LRRC1: variants seen among roughly 807,000 people sequenced by gnomAD.
LRRC1 encodes leucine-rich repeat-containing protein 1.
Under a neutral mutation model 69.9 loss-of-function variants are expected in LRRC1, and 28 were observed. That is an observed-to-expected ratio of 0.40 (90% CI 0.30 to 0.55). The LOEUF is 0.55. Among genes scored for constraint, LRRC1 ranks in the 20% least tolerant of loss-of-function variants. LRRC1 has a pLI of 0.47. For missense variants in LRRC1, 498 were observed against 609.0 expected (o/e 0.82, Z 1.92); for synonymous variants, 236 against 240.2 (o/e 0.98, Z 0.16).
chr6:53,808,506 C>T (rs1764699218), intron 1 of LRRC1, among the ~76,000 whole-genome samples: 1 of 152,112 alleles, frequency 6.6e-6, no homozygotes, highest in Admixed American at 6.5e-5. Context: ...CTGCTTTAAG[C>T]ACTTCCTGTG....
At chr6:53,860,697 A>G (rs986055005) in intron 2 of LRRC1, among the ~76,000 whole-genome samples, 1 of 152,162 alleles carries the variant, frequency 6.6e-6, no homozygotes, top group Non-Finnish European at 1.5e-5. Flanking sequence ...CAACTAAACA[A>G]AACAGCTTTC....
chr6:53,808,935 T>A (rs752009960), intron 1 of LRRC1, among the ~76,000 whole-genome samples: 11 of 152,174 alleles, frequency 7.2e-5, no homozygotes, highest in Non-Finnish European at 1.6e-4. Flanking sequence ...ATGAGCTGAT[T>A]CAAACATAAT....
chr6:53,876,217 C>T (rs1036015803), intron 2 of LRRC1, among the ~76,000 whole-genome samples: 6 of 152,150 alleles, frequency 3.9e-5, no homozygotes, highest in African/African-American at 1.2e-4. Context: ...GAAACTCCCC[C>T]TTATAATAAC....
intron 2 of LRRC1, among the ~76,000 whole-genome samples, chr6:53,856,593 T>A (rs1444443506): frequency 6.6e-6 from 1 of 152,166 alleles, no homozygotes; most frequent in Non-Finnish European, 1.5e-5. Context: ...GTCTGAAGGT[T>A]TGAAATAGCA....
At chr6:53,883,767 A>G (rs1209916372) in intron 4 of LRRC1, among the ~76,000 whole-genome samples, 1 of 152,206 alleles carries the variant, frequency 6.6e-6, no homozygotes, top group Admixed American at 6.5e-5. Flanking sequence ...CTAGCATCAT[A>G]AATGATTTTC....
intron 11 of LRRC1, among the ~76,000 whole-genome samples, chr6:53,916,694 T>G (rs1217878206): frequency 6.6e-6 from 1 of 152,186 alleles, no homozygotes; most frequent in Non-Finnish European, 1.5e-5. Context: ...TTTTGAAAAC[T>G]TTGCTTAAAA....
chr6:53,812,486 C>T (rs950687622), intron 1 of LRRC1, among the ~76,000 whole-genome samples: 8 of 149,928 alleles, frequency 5.3e-5, no homozygotes, highest in African/African-American at 9.9e-5. Context: ...GTCAGGAGAT[C>T]GAGACCATCC....
chr6:53,875,925 A>G (rs982577910), intron 2 of LRRC1, among the ~76,000 whole-genome samples: 1 of 152,142 alleles, frequency 6.6e-6, no homozygotes, highest in African/African-American at 2.4e-5. Context: ...CCCATTTGAA[A>G]CTATATATTA....
chr6:53,876,288 T>C (rs1328150527), intron 2 of LRRC1, among the ~76,000 whole-genome samples: 1 of 152,144 alleles, frequency 6.6e-6, no homozygotes, highest in Admixed American at 6.5e-5. Flanking sequence ...CCTGCCCCCA[T>C]GATTCAGTTA....
In LRRC1 at chr6:53,923,668, T is replaced by C. The variant is rs903274944; in HGVS notation, c.*875T>C. 6.5e-6 allele frequency: 1 copy of C among 152,678 alleles called. No homozygotes were observed. The highest frequency in any genetic ancestry group is 2.4e-5 in the African/African-American group (1 of 41,474). 9.5% of individuals were successfully genotyped at this position (152,678 alleles called of 1,614,324 possible). ...TCTCATAATGAGTGCAGTGTCAGAC[T>C]GTGCCTACTCTGATGGTATGTGCCA... is the stretch of plus-strand genomic sequence containing the variant. On this transcript the variant is annotated 3_prime_UTR_variant, in exon 14 of 14. Transcript: ENST00000370888.
intron 2 of LRRC1, among the ~76,000 whole-genome samples, chr6:53,867,430 G>A (rs906390834): frequency 4.6e-5 from 7 of 152,076 alleles, no homozygotes; most frequent in African/African-American, 1.4e-4. Context: ...TATTTCTAAA[G>A]TATGACTATA....
chr6:53,795,454 T>C, intron 1 of LRRC1, 39 bp downstream of exon 1: 1 of 1,580,012 alleles, frequency 6.3e-7, no homozygotes. Context: ...TGCCCGCTCG[T>C]CTGCTGTCCC....
chr6:53,845,625 G>A (rs1765919007), intron 2 of LRRC1, among the ~76,000 whole-genome samples: 2 of 152,188 alleles, frequency 1.3e-5, no homozygotes, highest in Admixed American at 1.3e-4. Flanking sequence ...GTCATGATAG[G>A]ACCTTCCTTA....
intron 2 of LRRC1, among the ~76,000 whole-genome samples, chr6:53,873,962 A>G (rs1766983804): frequency 6.6e-6 from 1 of 152,250 alleles, no homozygotes; most frequent in Admixed American, 6.5e-5. Flanking sequence ...AACCAGAAAT[A>G]GTGACAAGAA....
chr6:53,824,357 T>G (rs1316165278), intron 1 of LRRC1, among the ~76,000 whole-genome samples: 1 of 152,194 alleles, frequency 6.6e-6, no homozygotes, highest in East Asian at 1.9e-4. Context: ...TTTGTTGATT[T>G]GTTTACACTC....
chr6:53,821,916 C>CT lies in LRRC1; in HGVS notation c.160-20184dup, dbSNP rs1315519339. 3.4e-3 allele frequency among the ~76,000 whole-genome samples: 448 copies of CT among 131,270 alleles called. 4 individuals are homozygous for CT. The highest frequency in any genetic ancestry group is 0.011 in the African/African-American group (379 of 34,860). 86.1% of individuals were successfully genotyped at this position (131,270 alleles called of 152,430 possible). A position where few individuals can be genotyped will look rare whatever the true frequency, so the allele number is the denominator to read the frequency against. Reference sequence around the variant, plus strand: ...TTTTTCCTTTTCTGTTTGTTTTTCTCTTTTTTTTTTAGTGTGGTGAGGTTG... The same window carrying CT: ...TTTTTCCTTTTCTGTTTGTTTTTCTCTTTTTTTTTTTAGTGTGGTGAGGTTG... On this transcript the variant is annotated intron_variant, in intron 1 of 13. Coordinates refer to ENST00000370888, the MANE Select transcript of LRRC1 (RefSeq NM_018214.5).
chr6:53,922,549 A>T, intron 13 of LRRC1, 86 bp from the exon 14 acceptor site: 1 of 1,217,750 alleles, frequency 8.2e-7, no homozygotes, highest in Non-Finnish European at 1.2e-6. Context: ...TAACATTTGT[A>T]TTGGAATGCT....
chr6:53,918,852 T>C (rs1768649677), intron 11 of LRRC1: 2 of 152,214 alleles, frequency 1.3e-5, no homozygotes, highest in South Asian at 2.1e-4. Flanking sequence ...TAATCTGATA[T>C]AGATATTAAT....
At chr6:53,861,722 C>G (rs1335628762) in intron 2 of LRRC1, among the ~76,000 whole-genome samples, 1 of 151,928 alleles carries the variant, frequency 6.6e-6, no homozygotes. Context: ...ACTCCTGGCC[C>G]TGCACCCTCC....
Sources: gnomAD v4.1 joint callset for allele counts (sites outside exome capture counted in the v4.1 genomes callset) on GRCh38, gnomAD v4.1.1 for gene constraint, MANE v1.5 for transcripts, NCBI Gene and HGNC (gene_info 2026-07-23, HGNC 2026-07-21) for gene names.